AQP9: variants seen among roughly 807,000 people sequenced by gnomAD.
AQP9 encodes the protein aquaporin-9.
AQP9 carries 19 observed loss-of-function variants against 23.8 expected under a neutral mutation model. That is an observed-to-expected ratio of 0.80 (90% confidence interval 0.56 to 1.17). The LOEUF is 1.17. Among genes scored for constraint, AQP9 ranks in the 50% most tolerant of loss-of-function variants. The pLI, the probability that AQP9 is intolerant of heterozygous loss-of-function variation, is 0.00. For missense variants in AQP9, 413 were observed against 362.0 expected, an observed-to-expected ratio of 1.14 and a Z score of -1.14; for synonymous variants, 153 against 131.5, an observed-to-expected ratio of 1.16 and a Z score of -1.12.
At chr15:58,140,183 AATGAACTACAC>A (rs1391750434) in intron 1 of AQP9, among the ~76,000 whole-genome samples, 1 of 151,582 alleles carries the variant, frequency 6.6e-6, no homozygotes, top group South Asian at 2.1e-4. Context: ...CAGAGGAGGA[AATGAACTACAC>A]ATCTTTTTTT....
At chr15:58,171,112 G>A (rs145463519) in intron 2 of AQP9, among the ~76,000 whole-genome samples, 150 of 136,294 alleles carry the variant, frequency 1.1e-3, no homozygotes, top group African/African-American at 3.0e-3. Flanking sequence ...TTTTTGAGAC[G>A]GAGTTTCGCT....
intron 5 of AQP9, among the ~76,000 whole-genome samples, chr15:58,182,914 A>G (rs1358675487): frequency 6.6e-6 from 1 of 152,208 alleles, no homozygotes; most frequent in Non-Finnish European, 1.5e-5. Context: ...TAATCTTGAG[A>G]TTAGACTTAG....
At chr15:58,164,289 C>T (rs1040557527) in intron 1 of AQP9, 5 of 152,130 alleles carry the variant, frequency 3.3e-5, no homozygotes, top group African/African-American at 7.2e-5. Flanking sequence ...AGAGGGGAGA[C>T]GCTTATTTAG....
Position 58,184,775 on chromosome 15 carries a change from A to C in AQP9, c.*640A>C, listed in dbSNP as rs1425235934. The C allele has an allele frequency of 6.6e-6, 1 of 152,192 alleles. No homozygotes were observed. Among genetic ancestry groups the C allele is most frequent in the Non-Finnish European group, 1.5e-5 (1 of 68,044 alleles). The allele number at this position is 152,192 out of a possible 1,614,324, so 9.4% of individuals were successfully genotyped here. ...GAGACAAGATGAATTTGAGAAGCCA[A>C]ATGGAATTTTTAATGGAAACCATTT... is the stretch of plus-strand genomic sequence containing the variant. On this transcript the variant is annotated 3_prime_UTR_variant, in exon 6 of 6. Transcript: ENST00000219919.
At chr15:58,138,709 C>T (rs376739884) in intron 1 of AQP9, 33 bp downstream of exon 1, 6 of 1,572,842 alleles carry the variant, frequency 3.8e-6, no homozygotes, top group Admixed American at 1.7e-5. Context: ...CATTCAGACC[C>T]AATAATGCCT....
At chr15:58,159,420 G>T (rs1898328155) in intron 1 of AQP9, among the ~76,000 whole-genome samples, 1 of 151,874 alleles carries the variant, frequency 6.6e-6, no homozygotes, top group African/African-American at 2.4e-5. Flanking sequence ...GGGGTACATG[G>T]GACATTTTAA....
chr15:58,151,799 G>A (rs1376119683), intron 1 of AQP9: 1 of 152,028 alleles, frequency 6.6e-6, no homozygotes, highest in African/African-American at 2.4e-5. Flanking sequence ...CAAAGCCCAC[G>A]TGGAAGCCCC....
chr15:58,164,290 G>A (rs1247232864), intron 1 of AQP9: 2 of 152,090 alleles, frequency 1.3e-5, no homozygotes, highest in Admixed American at 1.3e-4. Context: ...GAGGGGAGAC[G>A]CTTATTTAGA....
chr15:58,173,712 T>A (rs1898677532), intron 3 of AQP9, among the ~76,000 whole-genome samples: 1 of 152,146 alleles, frequency 6.6e-6, no homozygotes, highest in African/African-American at 2.4e-5. Flanking sequence ...GTATTGGTCA[T>A]AGAAGACCAG....
chr15:58,151,078 T>G (rs957554323), intron 1 of AQP9: 1 of 152,182 alleles, frequency 6.6e-6, no homozygotes, highest in African/African-American at 2.4e-5. Context: ...CACCATAGCA[T>G]TGCTGGGAAT....
chr15:58,145,909 G>A (rs536357037), intron 1 of AQP9, among the ~76,000 whole-genome samples: 4 of 152,194 alleles, frequency 2.6e-5, no homozygotes, highest in Non-Finnish European at 5.9e-5. Flanking sequence ...TACATTTTAG[G>A]TTGATAATTA....
intron 1 of AQP9, chr15:58,156,033 G>T (rs540980127): frequency 6.6e-6 from 1 of 151,918 alleles, no homozygotes; most frequent in Admixed American, 6.6e-5. Flanking sequence ...ACCAATTACC[G>T]CCCTAATTGA....
intron 5 of AQP9, among the ~76,000 whole-genome samples, chr15:58,182,300 T>A (rs141204800): frequency 2.6e-5 from 4 of 152,314 alleles, no homozygotes; most frequent in African/African-American, 9.6e-5. Flanking sequence ...AACATACACA[T>A]GTTCCTGGCA....
chr15:58,165,911 C>T (rs1349156068), intron 1 of AQP9, among the ~76,000 whole-genome samples: 1 of 152,160 alleles, frequency 6.6e-6, no homozygotes, highest in Non-Finnish European at 1.5e-5. Flanking sequence ...CCTCTGCTCC[C>T]TAGGAAACTA....
At chr15:58,174,452 G>A (rs1478726543) in intron 3 of AQP9, among the ~76,000 whole-genome samples, 2 of 152,212 alleles carry the variant, frequency 1.3e-5, no homozygotes, top group Non-Finnish European at 2.9e-5. Context: ...CCTGGGGTCA[G>A]TGCTAGCTGT....
At chr15:58,148,526 G>C (rs992745078) in intron 1 of AQP9, among the ~76,000 whole-genome samples, 5 of 152,182 alleles carry the variant, frequency 3.3e-5, no homozygotes, top group African/African-American at 1.2e-4. Flanking sequence ...AGGCGGCCTT[G>C]GCACTGTTGG....
rs146124667 is a variant in AQP9 at position 58,177,340 on chromosome 15, A to T, written c.496-1788A>T. Among the ~76,000 whole-genome samples the T allele has an allele frequency of 6.4e-3, 971 of 152,316 alleles. 6 individuals are homozygous for T. Among genetic ancestry groups the T allele is most frequent in the Non-Finnish European group, 0.011 (777 of 68,034 alleles). On this transcript the variant is annotated intron_variant, in intron 4 of 5. Transcript: ENST00000219919. ...AGTTCAGAGTCTGAGGCTCAATCTA[A>T]CAAGTAAGTAGATACTCTTTTGCAG...
intron 2 of AQP9, among the ~76,000 whole-genome samples, chr15:58,170,359 G>T (rs1898593155): frequency 6.6e-6 from 1 of 151,520 alleles, no homozygotes; most frequent in South Asian, 2.1e-4. Flanking sequence ...TTTCTCTGTA[G>T]ATCACTGTAG....
chr15:58,168,843 T>C (rs114068398), intron 2 of AQP9, among the ~76,000 whole-genome samples: 1 of 152,188 alleles, frequency 6.6e-6, no homozygotes, highest in Non-Finnish European at 1.5e-5. Flanking sequence ...TCCCACTGAG[T>C]TCACCAGGTA....
Sources: allele counts gnomAD v4.1 joint callset (sites outside exome capture counted in the v4.1 genomes callset), GRCh38; gene constraint gnomAD v4.1.1; transcripts MANE v1.5; gene names NCBI Gene and HGNC (gene_info 2026-07-23, HGNC 2026-07-21).